Variants in PRKAG2 observed in about 807,000 individuals in gnomAD.
The protein encoded by PRKAG2 is protein kinase AMP-activated non-catalytic subunit gamma 2, also known as 5'-AMP-activated protein kinase subunit gamma-2.
Under a neutral mutation model 69.6 loss-of-function variants are expected in PRKAG2, and 26 were observed. The observed-to-expected ratio is 0.37, with a 90% CI of 0.27 to 0.52. The LOEUF (loss-of-function observed/expected upper bound fraction) is 0.52. Among genes scored for constraint, PRKAG2 ranks in the 20% least tolerant of loss-of-function variants. The pLI is 0.90. For missense variants in PRKAG2, 557 were observed against 740.0 expected (o/e 0.75, Z 2.87); for synonymous variants, 293 against 285.0 (o/e 1.03, Z -0.28).
At chr7:151,831,438 C>T (rs995565141) in intron 1 of PRKAG2, among the ~76,000 whole-genome samples, 1 of 152,098 alleles carries the variant, frequency 6.6e-6, no homozygotes, top group African/African-American at 2.4e-5. Flanking sequence ...CATGGACGAA[C>T]CTTAAAAATA....
chr7:151,835,488 T>C lies in PRKAG2; in HGVS notation c.114+41019A>G, dbSNP rs2151880640. 6.6e-6 allele frequency among the ~76,000 whole-genome samples: 1 copy of C among 152,060 alleles called. No homozygotes were observed. Among genetic ancestry groups the C allele is most frequent in the South Asian group, 2.1e-4 (1 of 4,818 alleles). On this transcript the variant is annotated intron_variant, in intron 1 of 15. Transcript: ENST00000287878. The surrounding 1 kb of genome is among the most constrained non-coding windows in gnomAD (Gnocchi z 4.1). ...GGATTACAGGCATTAACCACCACAC[T>C]CGACACCCTTAGAAAGTTTTCAGAA...
At chr7:151,623,449 C>T (rs1484170317) in intron 5 of PRKAG2, among the ~76,000 whole-genome samples, 4 of 146,684 alleles carry the variant, frequency 2.7e-5, no homozygotes, top group East Asian at 2.0e-4. Context: ...ATAGGGTTCG[C>T]GCTCCTATGA....
intron 3 of PRKAG2, among the ~76,000 whole-genome samples, chr7:151,701,699 C>CG (rs1585885192): frequency 6.6e-6 from 1 of 152,028 alleles, no homozygotes; most frequent in East Asian, 1.9e-4. Flanking sequence ...AAAAATTAGC[C>CG]GGCCTGGTGG....
chr7:151,807,738 G>A lies in PRKAG2; in HGVS notation c.115-21197C>T. The stretch of plus-strand genomic sequence containing the variant: ...CAAGGCAGCATTTCAGAGGAAGCCA[G>A]GAGCGAGAACTCGTGCATCCGAACC... On this transcript the variant is annotated intron_variant, in intron 1 of 15. Transcript: ENST00000287878. The surrounding 1 kb of genome is among the most constrained non-coding windows in gnomAD (Gnocchi z 4.4). The A allele has an allele frequency of 5.1e-6, 2 of 391,054 alleles. No homozygotes were observed. The highest frequency in any genetic ancestry group is 1.9e-5 in the South Asian group (1 of 53,226). The allele number at this position is 391,054 out of a possible 1,614,324, so 24.2% of individuals were successfully genotyped here.
chr7:151,871,567 G>A (rs1026212122), intron 1 of PRKAG2, among the ~76,000 whole-genome samples: 3 of 152,194 alleles, frequency 2.0e-5, no homozygotes, highest in African/African-American at 7.2e-5. Flanking sequence ...CGACACCTTC[G>A]TTAGGTCCAA....
At chr7:151,751,343 T>C (rs2074671614) in intron 3 of PRKAG2, among the ~76,000 whole-genome samples, 1 of 151,892 alleles carries the variant, frequency 6.6e-6, no homozygotes, top group Non-Finnish European at 1.5e-5. Flanking sequence ...CTCGATCTCC[T>C]GACCTCGTGA....
intron 1 of PRKAG2, among the ~76,000 whole-genome samples, chr7:151,816,260 C>CT (rs1174096441): frequency 6.6e-6 from 1 of 152,202 alleles, no homozygotes; most frequent in Non-Finnish European, 1.5e-5. Flanking sequence ...GGCCAGATAG[C>CT]TCTAAGAACT....
intron 1 of PRKAG2, among the ~76,000 whole-genome samples, chr7:151,873,334 C>T (rs1270081746): frequency 1.3e-5 from 2 of 152,220 alleles, no homozygotes; most frequent in African/African-American, 4.8e-5. Context: ...CATCAGGCCA[C>T]TGTCATCGCT....
intron 3 of PRKAG2, among the ~76,000 whole-genome samples, chr7:151,775,604 A>G (rs900903690): frequency 6.6e-6 from 1 of 152,260 alleles, no homozygotes; most frequent in Admixed American, 6.5e-5. Context: ...CCTTTTGTCC[A>G]GATTTGGTTC....
At chr7:151,758,053 T>C (rs1466268092) in intron 3 of PRKAG2, among the ~76,000 whole-genome samples, 1 of 152,246 alleles carries the variant, frequency 6.6e-6, no homozygotes, top group African/African-American at 2.4e-5. Context: ...TGCTTTGTGC[T>C]TGTCCCTACC....
At chr7:151,856,572 C>T (rs761567355) in intron 1 of PRKAG2, among the ~76,000 whole-genome samples, 4 of 152,218 alleles carry the variant, frequency 2.6e-5, no homozygotes, top group African/African-American at 4.8e-5. Context: ...TCTGAGCCTC[C>T]GTTTCTCCAA....
At chr7:151,637,723 T>A (rs1047357029) in intron 4 of PRKAG2, among the ~76,000 whole-genome samples, 2 of 151,304 alleles carry the variant, frequency 1.3e-5, no homozygotes, top group Admixed American at 6.6e-5. Context: ...TTTTTTTTTT[T>A]ATAACACACT....
chr7:151,728,083 G>C (rs556524094), intron 3 of PRKAG2, among the ~76,000 whole-genome samples: 1 of 152,232 alleles, frequency 6.6e-6, no homozygotes, highest in South Asian at 2.1e-4. Context: ...GTTTGACCAC[G>C]GGCCTGACCG....
chr7:151,636,215 G>T (rs1825716978), intron 4 of PRKAG2, among the ~76,000 whole-genome samples: 1 of 152,064 alleles, frequency 6.6e-6, no homozygotes, highest in Non-Finnish European at 1.5e-5. Flanking sequence ...AAAGTGTGCA[G>T]CCCAGTGATT....
chr7:151,736,186 G>A (rs962174528), intron 3 of PRKAG2: 12 of 1,421,042 alleles, frequency 8.4e-6, no homozygotes, highest in South Asian at 3.0e-5. Flanking sequence ...TCTTCAGGGC[G>A]ACCTCACCGC....
At chr7:151,626,061 A>C (rs1585319553) in intron 5 of PRKAG2, among the ~76,000 whole-genome samples, 1 of 152,238 alleles carries the variant, frequency 6.6e-6, no homozygotes, top group African/African-American at 2.4e-5. Context: ...TCCACCAGGA[A>C]GCAGAGAAAG....
At chr7:151,721,523 C>A (rs1234170442) in intron 3 of PRKAG2, among the ~76,000 whole-genome samples, 3 of 152,170 alleles carry the variant, frequency 2.0e-5, no homozygotes, top group African/African-American at 7.2e-5. Context: ...CCAGCCACCT[C>A]CCACAGGAGG....
At chr7:151,562,954 CAA>C (rs35394134) in intron 14 of PRKAG2, among the ~76,000 whole-genome samples, 1,841 of 113,280 alleles carry the variant, frequency 0.016, 24 homozygotes, top group African/African-American at 0.052. Context: ...GACTCCGTCT[CAA>C]AAAAAAAAAA....
chr7:151,688,041 G>T, intron 3 of PRKAG2, among the ~76,000 whole-genome samples: 1 of 120,244 alleles, frequency 8.3e-6, no homozygotes, highest in Non-Finnish European at 1.8e-5. Context: ...GAGGAAATGA[G>T]GCCCCCCCCC....
Sources: allele counts gnomAD v4.1 joint callset (sites outside exome capture counted in the v4.1 genomes callset), GRCh38; gene constraint gnomAD v4.1.1; non-coding constraint Gnocchi (gnomAD v3.1); transcripts MANE v1.5; gene names NCBI Gene and HGNC (gene_info 2026-07-23, HGNC 2026-07-21).